The following MACROD2 variants were observed in gnomAD, a reference collection of about 807,000 sequenced individuals.
MACROD2 encodes the protein ADP-ribose glycohydrolase MACROD2.
In MACROD2, 36 loss-of-function variants were observed where a neutral mutation model predicts 70.4. That is an observed-to-expected ratio of 0.51 (90% confidence interval 0.39 to 0.68). The LOEUF (loss-of-function observed/expected upper bound fraction) is 0.68. MACROD2 is among the 30% of genes least tolerant of loss of function. The pLI, the probability that MACROD2 is intolerant of heterozygous loss-of-function variation, is 0.00. For synonymous variants in MACROD2, 172 were observed against 178.8 expected (o/e 0.96, Z 0.30); for missense variants, 496 against 538.4 (o/e 0.92, Z 0.78).
At chr20:15,488,158 G>A (rs1202287671) in intron 7 of MACROD2, among the ~76,000 whole-genome samples, 5 of 152,118 alleles carry the variant, frequency 3.3e-5, no homozygotes, top group East Asian at 1.9e-4. Flanking sequence ...CTCCTAGGTC[G>A]TGTTTTTAAG....
At chr20:15,190,768 A>G (rs964710679) in intron 5 of MACROD2, among the ~76,000 whole-genome samples, 2 of 152,172 alleles carry the variant, frequency 1.3e-5, no homozygotes, top group South Asian at 2.1e-4. Context: ...TCTGCAGGAA[A>G]AGCCAGGCAA....
intron 5 of MACROD2, among the ~76,000 whole-genome samples, chr20:14,822,912 C>T (rs1039642720): frequency 2.6e-5 from 4 of 151,974 alleles, no homozygotes; most frequent in African/African-American, 9.7e-5. Context: ...AAAGTGCTGT[C>T]ATTTGATTAC....
At chr20:15,332,192 T>C (rs140407661) in intron 6 of MACROD2, among the ~76,000 whole-genome samples, 1 of 151,700 alleles carries the variant, frequency 6.6e-6, no homozygotes, top group East Asian at 1.9e-4. Flanking sequence ...TATTTAAATA[T>C]TCTTTTAATG....
At chr20:15,048,540 A>C (rs439546) in intron 5 of MACROD2, among the ~76,000 whole-genome samples, 28,718 of 151,990 alleles carry the variant, frequency 0.19, 2,893 homozygotes, top group African/African-American at 0.23. Context: ...ATAATGATGT[A>C]TGTGAACGTG....
chr20:15,139,065 G>A (rs2076172276), intron 5 of MACROD2, among the ~76,000 whole-genome samples: 1 of 152,146 alleles, frequency 6.6e-6, no homozygotes, highest in Non-Finnish European at 1.5e-5. Context: ...ATTAAATGGA[G>A]GTTTAATGTC....
chr20:16,043,435 T>C (rs2067334546), intron 16 of MACROD2, among the ~76,000 whole-genome samples: 1 of 152,018 alleles, frequency 6.6e-6, no homozygotes, highest in Non-Finnish European at 1.5e-5. Context: ...GATCTGGCCA[T>C]TGTCTATTTG....
At chr20:15,982,708 A>C (rs148288750) in intron 13 of MACROD2, among the ~76,000 whole-genome samples, 2 of 152,170 alleles carry the variant, frequency 1.3e-5, no homozygotes, top group Admixed American at 1.3e-4. Context: ...GCAAACTTCA[A>C]TGGTTATGTA....
At chr20:15,714,802 T>C (rs1266153932) in intron 8 of MACROD2, among the ~76,000 whole-genome samples, 1 of 147,834 alleles carries the variant, frequency 6.8e-6, no homozygotes, top group Non-Finnish European at 1.5e-5. Flanking sequence ...TTCCTACTAA[T>C]AAATATGCAT....
chr20:14,561,267 T>G (rs778829968), intron 4 of MACROD2, among the ~76,000 whole-genome samples: 1 of 151,880 alleles, frequency 6.6e-6, no homozygotes, highest in Non-Finnish European at 1.5e-5. Context: ...ATTTTTAGAT[T>G]TGTAACCTGA....
intron 12 of MACROD2, among the ~76,000 whole-genome samples, chr20:15,958,926 C>T (rs943911888): frequency 6.6e-6 from 1 of 152,090 alleles, no homozygotes. Context: ...CTGGCCAGCA[C>T]CTTGATCTTA....
At position 14,130,482 on chromosome 20, in the gene MACROD2, T is replaced by C. The variant is rs541030446; in HGVS notation, c.271+44754T>C. Among the ~76,000 whole-genome samples the C allele has an allele frequency of 2.8e-4, 43 of 152,042 alleles. No individual in the cohort carries two copies. The East Asian group carries it at 8.2e-3, about 29-fold the overall frequency. Reference sequence around the variant, plus strand: ...GAATTGCTTGAACCCAGGAGGAGGTTGCAGTGAGTCGAGATCACGCCACTG... The same window carrying C: ...GAATTGCTTGAACCCAGGAGGAGGTCGCAGTGAGTCGAGATCACGCCACTG... On this transcript the variant is annotated intron_variant, in intron 3 of 17. Transcript: ENST00000684519.
At chr20:15,757,534 A>G (rs1391276611) in intron 8 of MACROD2, among the ~76,000 whole-genome samples, 1 of 152,200 alleles carries the variant, frequency 6.6e-6, no homozygotes, top group Non-Finnish European at 1.5e-5. Context: ...AAACTGACCA[A>G]TCTAATACTG....
At chr20:15,432,569 G>A (rs2046376298) in intron 7 of MACROD2, among the ~76,000 whole-genome samples, 1 of 151,984 alleles carries the variant, frequency 6.6e-6, no homozygotes, top group Non-Finnish European at 1.5e-5. Context: ...TTAAATATTT[G>A]CTTAAAGGAA....
At chr20:14,388,505 A>C (rs960711507) in intron 3 of MACROD2, among the ~76,000 whole-genome samples, 1 of 152,234 alleles carries the variant, frequency 6.6e-6, no homozygotes, top group Non-Finnish European at 1.5e-5. Context: ...ACATATTTGT[A>C]TGTTATATGC....
intron 15 of MACROD2, among the ~76,000 whole-genome samples, chr20:16,003,346 C>A (rs982550993): frequency 8.2e-6 from 1 of 121,220 alleles, no homozygotes; most frequent in African/African-American, 2.7e-5. Flanking sequence ...AAAGTTTGAA[C>A]CCTGTGTGTG....
chr20:14,709,952 C>T (rs1293199483), intron 5 of MACROD2, among the ~76,000 whole-genome samples: 1 of 152,098 alleles, frequency 6.6e-6, no homozygotes, highest in East Asian at 1.9e-4. Context: ...ATATTAATTT[C>T]ATGTTTATAA....
chr20:14,870,717 A>T (rs770114437), intron 5 of MACROD2, among the ~76,000 whole-genome samples: 3 of 151,806 alleles, frequency 2.0e-5, no homozygotes, highest in African/African-American at 4.8e-5. Context: ...GGTTTTTTTC[A>T]TATGATTGCT....
At chr20:15,973,453 A>T (rs1416792062) in intron 13 of MACROD2, among the ~76,000 whole-genome samples, 1 of 152,172 alleles carries the variant, frequency 6.6e-6, no homozygotes, top group Non-Finnish European at 1.5e-5. Context: ...TCTCTGAAAA[A>T]TTGTACAATA....
intron 6 of MACROD2, among the ~76,000 whole-genome samples, chr20:15,295,624 C>G (rs908832860): frequency 1.3e-5 from 2 of 151,412 alleles, no homozygotes; most frequent in Non-Finnish European, 2.9e-5. Flanking sequence ...CACACACACA[C>G]ACACATGCAC....
Sources: allele counts gnomAD v4.1 joint callset (sites outside exome capture counted in the v4.1 genomes callset), GRCh38; gene constraint gnomAD v4.1.1; transcripts MANE v1.5; gene names NCBI Gene and HGNC (gene_info 2026-07-23, HGNC 2026-07-21).